The following RAPGEF1 variants were observed in gnomAD, a reference collection of about 807,000 sequenced individuals.
RAPGEF1 encodes Rap guanine nucleotide exchange factor 1.
In RAPGEF1, 33 loss-of-function variants were observed where a neutral mutation model predicts 143.3. That is an observed-to-expected ratio of 0.23 (90% confidence interval 0.17 to 0.31). The LOEUF is 0.31. Among genes scored for constraint, RAPGEF1 ranks in the 10% least tolerant of loss-of-function variants. The pLI is 1.00. For synonymous variants in RAPGEF1, 629 were observed against 676.5 expected (o/e 0.93, Z 1.09); for missense variants, 1,199 against 1,645.4 (o/e 0.73, Z 4.69).
intron 1 of RAPGEF1, among the ~76,000 whole-genome samples, chr9:131,727,058 T>C (rs954955880): frequency 6.6e-6 from 1 of 152,110 alleles, no homozygotes; most frequent in Admixed American, 6.5e-5. Context: ...TTACTATACA[T>C]AATTTTTTTT....
At chr9:131,608,723 T>C (rs1398749585) in intron 12 of RAPGEF1, among the ~76,000 whole-genome samples, 1 of 152,160 alleles carries the variant, frequency 6.6e-6, no homozygotes, top group Admixed American at 6.5e-5. Flanking sequence ...GGGAAAACCT[T>C]CTGATCACCA....
At position 131,626,184 on chromosome 9, in the gene RAPGEF1, G is replaced by C. The variant is rs184114333; in HGVS notation, c.1440C>G (p.Ser480Arg). The C allele has an allele frequency of 1.9e-6, 3 of 1,613,966 alleles. No homozygotes were observed. The highest frequency in any genetic ancestry group is 2.2e-5 in the East Asian group (1 of 44,880). The part of the protein sequence containing the change: ...PPALPEKKRR[S>R]AASQTADGSG... ...AGCCGTCCGCCGTCTGGGAGGCTGC[G>C]CTCCTGCGCTTCTTCTCGGGGAGAG... Residue 480 changes from serine to arginine, a missense_variant, in exon 10 of 27, where the codon AGC (serine) becomes AGG (arginine). Ser to Arg is a moderately radical substitution (Grantham distance 110, BLOSUM62 -1). Around this residue, in one of 6 missense-constraint regions of RAPGEF1, gnomAD observed 613 missense variants for 710.9 expected, o/e 0.86. Coordinates refer to ENST00000683357, the MANE Select transcript of RAPGEF1 (RefSeq NM_001377935.1).
chr9:131,626,565 T>C (rs1963149312), intron 9 of RAPGEF1, 143 bp from the exon 10 acceptor site: 1 of 730,300 alleles, frequency 1.4e-6, no homozygotes. Flanking sequence ...ATTCACATGT[T>C]ATATTCTTCA....
chr9:131,635,086 A>G (rs1966013543), intron 5 of RAPGEF1, among the ~76,000 whole-genome samples: 1 of 152,180 alleles, frequency 6.6e-6, no homozygotes, highest in Non-Finnish European at 1.5e-5. Context: ...TGAGATGATA[A>G]GACTACCTGG....
chr9:131,679,622 G>A (rs1164771666), intron 1 of RAPGEF1, among the ~76,000 whole-genome samples: 1 of 152,224 alleles, frequency 6.6e-6, no homozygotes. Context: ...ACCAGCTTCT[G>A]TGGGTCAGGG....
intron 1 of RAPGEF1, among the ~76,000 whole-genome samples, chr9:131,709,288 G>T (rs998330452): frequency 1.3e-5 from 2 of 152,186 alleles, no homozygotes; most frequent in African/African-American, 4.8e-5. Flanking sequence ...GGAGGTTGCA[G>T]CGAGCTGAGA....
At chr9:131,645,482 A>G (rs914291501) in intron 3 of RAPGEF1, among the ~76,000 whole-genome samples, 3 of 152,220 alleles carry the variant, frequency 2.0e-5, no homozygotes, top group African/African-American at 7.2e-5. Flanking sequence ...GCTGTTTAAG[A>G]GTCAGGCTGT....
chr9:131,629,000 G>C lies in RAPGEF1; in HGVS notation c.893+102C>G. On this transcript the variant is annotated intron_variant, in intron 7 of 26. Transcript: ENST00000683357. The surrounding 1 kb of genome is among the most constrained non-coding windows in gnomAD (Gnocchi z 5.7). ...CTCCAGAGTCAGCCTCCCAAGGGGGGCCAAGCCCTCAGCGCTGAGGGGAAA... is the reference window on the plus strand; with the variant it reads ...CTCCAGAGTCAGCCTCCCAAGGGGGCCCAAGCCCTCAGCGCTGAGGGGAAA... 6.9e-7 allele frequency: 1 copy of C among 1,440,662 alleles called. No individual in the cohort carries two copies. The highest frequency in any genetic ancestry group is 9.3e-7 in the Non-Finnish European group (1 of 1,079,862). 89.2% of individuals were successfully genotyped at this position (1,440,662 alleles called of 1,614,324 possible). A position where few individuals can be genotyped will look rare whatever the true frequency, so the allele number is the denominator to read the frequency against.
At chr9:131,672,711 G>A (rs1185701264) in intron 1 of RAPGEF1, among the ~76,000 whole-genome samples, 1 of 152,204 alleles carries the variant, frequency 6.6e-6, no homozygotes, top group African/African-American at 2.4e-5. Context: ...AGCAGGGGAA[G>A]TTCTAATCTC....
At chr9:131,735,819 T>G (rs531676880) in intron 1 of RAPGEF1, among the ~76,000 whole-genome samples, 26 of 152,242 alleles carry the variant, frequency 1.7e-4, no homozygotes, top group South Asian at 1.5e-3. Flanking sequence ...TACCAGAGAT[T>G]CTCATTTTTC....
Position 131,626,368 on chromosome 9 carries a change from T to C in RAPGEF1, c.1256A>G (p.Gln419Arg). 6.2e-7 allele frequency: 1 copy of C among 1,613,808 alleles called. No individual in the cohort carries two copies. Among genetic ancestry groups the C allele is most frequent in the East Asian group, 2.2e-5 (1 of 44,876 alleles). The change falls in exon 10 of 27, where the codon CAG (glutamine) becomes CGG (arginine). Residue 419 changes from glutamine to arginine, a missense_variant. Physicochemically the swap from Gln to Arg is conservative, Grantham distance 43 (BLOSUM62 1). Around this residue, in one of 6 missense-constraint regions of RAPGEF1, gnomAD observed 613 missense variants for 710.9 expected, o/e 0.86. Coordinates refer to ENST00000683357, the MANE Select transcript of RAPGEF1 (RefSeq NM_001377935.1). ...FLQQDLSNADQIPQQTAWNLS... is the reference protein window; with the variant it reads ...FLQQDLSNADRIPQQTAWNLS... ...GTTCCAGGCCGTCTGCTGAGGTATCTGGTCTGCGTTAGAGAGGTCTTGCTG... is the reference window on the plus strand; with the variant it reads ...GTTCCAGGCCGTCTGCTGAGGTATCCGGTCTGCGTTAGAGAGGTCTTGCTG...
chr9:131,603,850 G>C, intron 14 of RAPGEF1, 111 bp downstream of exon 14: 1 of 560,168 alleles, frequency 1.8e-6, no homozygotes, highest in Non-Finnish European at 2.8e-6. Context: ...CTGGTGACTA[G>C]GAGGGGGCTC....
chr9:131,721,857 A>G (rs1373689209), intron 1 of RAPGEF1, among the ~76,000 whole-genome samples: 1 of 152,204 alleles, frequency 6.6e-6, no homozygotes, highest in African/African-American at 2.4e-5. Flanking sequence ...TTTAAAGCAT[A>G]TGGGAGGATG....
intron 1 of RAPGEF1, among the ~76,000 whole-genome samples, chr9:131,685,129 T>C (rs1833232365): frequency 6.6e-6 from 1 of 152,150 alleles, no homozygotes; most frequent in Non-Finnish European, 1.5e-5. Flanking sequence ...TAGTAACCCA[T>C]TAAAATGGAT....
At position 131,626,410 on chromosome 9, in the gene RAPGEF1, G is replaced by A. The variant is rs1963064925; in HGVS notation, c.1214C>T (p.Pro405Leu). ...TSCETLDHYD[P>L]DYEFLQQDLS... The stretch of plus-strand genomic sequence containing the variant: ...GTCTTGCTGGAGGAATTCATAGTCG[G>A]GATCATAGTGGTCTGCAGTTACAAC... The change falls in exon 10 of 27, where the codon CCC (proline) becomes CTC (leucine). Residue 405 changes from proline (P) to leucine (L), a missense_variant. Physicochemically the swap from Pro to Leu is moderately conservative, Grantham distance 98. Transcript: ENST00000683357. The A allele has an allele frequency of 3.8e-6, 6 of 1,593,168 alleles. No individual in the cohort carries two copies. The highest frequency in any genetic ancestry group is 5.1e-6 in the Non-Finnish European group (6 of 1,165,822).
chr9:131,669,021 T>G (rs955688429), intron 1 of RAPGEF1, among the ~76,000 whole-genome samples: 8 of 152,222 alleles, frequency 5.3e-5, no homozygotes, highest in Non-Finnish European at 8.8e-5. Context: ...CGCAGCCTCC[T>G]GCTCTCCAGT....
At chr9:131,670,677 C>T (rs1322765011) in intron 1 of RAPGEF1, among the ~76,000 whole-genome samples, 5 of 152,186 alleles carry the variant, frequency 3.3e-5, no homozygotes, top group Non-Finnish European at 5.9e-5. Context: ...GACAGTCTCC[C>T]GGCCTCAAGG....
At chr9:131,599,439 G>C (rs1279131999) in intron 15 of RAPGEF1, among the ~76,000 whole-genome samples, 1 of 93,928 alleles carries the variant, frequency 1.1e-5, no homozygotes, top group African/African-American at 4.0e-5. Flanking sequence ...TTTTTTTTTT[G>C]AGACAGAATT....
At chr9:131,627,620 C>G (rs894995671) in intron 9 of RAPGEF1, among the ~76,000 whole-genome samples, 13 of 152,170 alleles carry the variant, frequency 8.5e-5, no homozygotes, top group African/African-American at 2.9e-4. Flanking sequence ...ACAAATGGCT[C>G]TTAATTTTGG....
Sources: allele counts gnomAD v4.1 joint callset (sites outside exome capture counted in the v4.1 genomes callset), GRCh38; gene constraint gnomAD v4.1.1; regional missense constraint gnomAD v4.1.1; non-coding constraint Gnocchi (gnomAD v3.1); transcripts MANE v1.5; gene names NCBI Gene and HGNC (gene_info 2026-07-23, HGNC 2026-07-21).